DLC1: variants seen among roughly 807,000 people sequenced by gnomAD.
The protein encoded by DLC1 is rho GTPase-activating protein 7.
In DLC1, 54 loss-of-function variants were observed where a neutral mutation model predicts 140.3. The ratio of observed to expected loss-of-function variants is 0.38; its 90% confidence interval spans 0.31 to 0.48. The LOEUF is 0.48. Ranked by LOEUF, DLC1 falls within the 20% of genes least tolerant of loss-of-function variation. The probability of loss-of-function intolerance (pLI) is 0.96; values close to 1 mark genes in which losing one functional copy is unlikely to be tolerated. For synonymous variants in DLC1, 986 were observed against 728.1 expected, an observed-to-expected ratio of 1.35 and a Z score of -5.70; for missense variants, 2,536 against 1,907.0, an observed-to-expected ratio of 1.33 and a Z score of -6.14.
chr8:13,408,086 A>G (rs1308465537), intron 2 of DLC1, among the ~76,000 whole-genome samples: 2 of 152,236 alleles, frequency 1.3e-5, no homozygotes, highest in African/African-American at 4.8e-5. Context: ...GGCAAGTTAA[A>G]TAAGTCAGTC....
intron 2 of DLC1, among the ~76,000 whole-genome samples, chr8:13,425,225 C>A (rs1383865725): frequency 1.3e-5 from 2 of 152,144 alleles, no homozygotes; most frequent in African/African-American, 4.8e-5. Flanking sequence ...CTCTTGAGCA[C>A]AGGATGGGAA....
intron 5 of DLC1, among the ~76,000 whole-genome samples, chr8:13,118,004 CTTTTTTT>C (rs35775672): frequency 0.66 from 75,712 of 115,054 alleles, 24,905 homozygotes; most frequent in East Asian, 0.78. Flanking sequence ...TGTTCTCTTT[CTTTTTTT>C]TTTTTTTTTT....
intron 5 of DLC1, among the ~76,000 whole-genome samples, chr8:13,180,896 T>C (rs1263495094): frequency 6.6e-6 from 1 of 152,236 alleles, no homozygotes; most frequent in Non-Finnish European, 1.5e-5. Flanking sequence ...TGAGAATCAA[T>C]TTTTAATTTT....
Position 13,132,922 on chromosome 8 carries a change from G to A in DLC1, c.1349-17265C>T, listed in dbSNP as rs762775634. 5.9e-5 allele frequency: 94 copies of A among 1,592,544 alleles called. 3 individuals carry two copies. The South Asian group carries it at 1.0e-3, about 17-fold the overall frequency. ...GCCCGCTCCCGCGGCCAGCCCGACG[G>A]CAAGACGCAAGTCTAGCTTACGTGT... On this transcript the variant is annotated intron_variant, in intron 5 of 17. Transcript: ENST00000276297.
intron 4 of DLC1, among the ~76,000 whole-genome samples, chr8:13,363,926 C>T (rs1219422268): frequency 6.6e-6 from 1 of 152,158 alleles, no homozygotes; most frequent in Non-Finnish European, 1.5e-5. Flanking sequence ...GTACACACTC[C>T]CTTAACTCTT....
chr8:13,358,920 T>G (rs566205664), intron 4 of DLC1, among the ~76,000 whole-genome samples: 20 of 151,956 alleles, frequency 1.3e-4, no homozygotes, highest in Non-Finnish European at 2.5e-4. Context: ...CCTATTTTAT[T>G]CTGCAAAAGC....
intron 5 of DLC1, among the ~76,000 whole-genome samples, chr8:13,139,577 C>T (rs1015978644): frequency 5.3e-5 from 8 of 152,176 alleles, no homozygotes; most frequent in African/African-American, 1.7e-4. Flanking sequence ...GTACTGAATT[C>T]TTAGTCCTGA....
chr8:13,537,156 A>G (rs775630358), intron 1 of DLC1, among the ~76,000 whole-genome samples: 1 of 152,202 alleles, frequency 6.6e-6, no homozygotes, highest in African/African-American at 2.4e-5. Flanking sequence ...CTATTATATT[A>G]GCAGAAATTC....
intron 2 of DLC1, among the ~76,000 whole-genome samples, chr8:13,484,744 T>A (rs1585186155): frequency 6.6e-6 from 1 of 151,976 alleles, no homozygotes; most frequent in Non-Finnish European, 1.5e-5. Flanking sequence ...GTAGGCAAGG[T>A]AAATATGTCA....
intron 2 of DLC1, among the ~76,000 whole-genome samples, chr8:13,434,759 G>C (rs1164005619): frequency 6.6e-6 from 1 of 151,974 alleles, no homozygotes; most frequent in African/African-American, 2.4e-5. Flanking sequence ...GCTTACTGCA[G>C]CCTCAAACTC....
chr8:13,289,136 C>A (rs941891532), intron 5 of DLC1, among the ~76,000 whole-genome samples: 1 of 152,146 alleles, frequency 6.6e-6, no homozygotes, highest in Non-Finnish European at 1.5e-5. Context: ...GCTACCACTC[C>A]ACAGTGCTCT....
chr8:13,451,240 G>C (rs1244448754), intron 2 of DLC1, among the ~76,000 whole-genome samples: 1 of 151,752 alleles, frequency 6.6e-6, no homozygotes, highest in African/African-American at 2.4e-5. Flanking sequence ...GTTAATTTTT[G>C]TGTATACATA....
At chr8:13,096,672 A>T (rs1199844780) in intron 10 of DLC1, among the ~76,000 whole-genome samples, 6 of 152,118 alleles carry the variant, frequency 3.9e-5, no homozygotes, top group Non-Finnish European at 8.8e-5. Flanking sequence ...CAAGGCTCAC[A>T]TAATAACAGC....
At chr8:13,221,198 C>G (rs1828531021) in intron 5 of DLC1, among the ~76,000 whole-genome samples, 1 of 152,140 alleles carries the variant, frequency 6.6e-6, no homozygotes, top group African/African-American at 2.4e-5. Flanking sequence ...CCACCGCATT[C>G]TTTCCATGGG....
intron 5 of DLC1, among the ~76,000 whole-genome samples, chr8:13,130,200 G>A (rs1821962461): frequency 6.6e-6 from 1 of 152,204 alleles, no homozygotes; most frequent in Non-Finnish European, 1.5e-5. Context: ...GACACCAAGG[G>A]AAACCCAAGT....
chr8:13,222,251 A>G (rs1673819001), intron 5 of DLC1, among the ~76,000 whole-genome samples: 1 of 152,058 alleles, frequency 6.6e-6, no homozygotes, highest in South Asian at 2.1e-4. Flanking sequence ...ATAAGTGAGA[A>G]AAGAGATAGA....
rs1818867012 is a variant in DLC1, at chr8:13,099,827, T to G, written c.2510A>C (p.Asn837Thr). The G allele has an allele frequency of 6.2e-7, 1 of 1,614,070 alleles. No individual in the cohort carries two copies. The highest frequency in any genetic ancestry group is 8.5e-7 in the Non-Finnish European group (1 of 1,180,056). ...FSPSGNNGSV[N>T]WRTGSFHGPG... ...GCCGTGGAAGCTTCCCGTCCTCCAG[T>G]TCACAGAGCCGTTATTCCCCGAGGG... The change falls in exon 9 of 18, where the codon AAC (asparagine) becomes ACC (threonine). Residue 837 changes from asparagine to threonine, a missense_variant. By Grantham distance (65) the Asn-to-Thr change is moderately conservative. Coordinates refer to ENST00000276297, the MANE Select transcript of DLC1 (RefSeq NM_182643.3).
rs200111766 is a variant in DLC1 at position 13,099,890 on chromosome 8, C to G, written c.2447G>C (p.Gly816Ala). 4 of 1,614,154 alleles carry G rather than the reference C, an allele frequency of 2.5e-6. No individual in the cohort carries two copies. In the African/African-American group the frequency reaches 4.0e-5, roughly 16 times the overall value. ...VFYIPEDHKP[G>A]TFPKALTNGS... ...ATTGGTGAGAGCTTTGGGGAAAGTGCCAGGCTTGTGATCTTCAGGGATGTA... is the reference window on the plus strand; with the variant it reads ...ATTGGTGAGAGCTTTGGGGAAAGTGGCAGGCTTGTGATCTTCAGGGATGTA... Residue 816 changes from glycine to alanine, a missense_variant, in exon 9 of 18, where the codon GGC (glycine) becomes GCC (alanine). Transcript: ENST00000276297.
intron 5 of DLC1, among the ~76,000 whole-genome samples, chr8:13,235,533 C>T (rs1356131023): frequency 6.6e-6 from 1 of 152,012 alleles, no homozygotes; most frequent in African/African-American, 2.4e-5. Context: ...CTATTCTAGG[C>T]AGATTTGGGT....
Sources: allele counts gnomAD v4.1 joint callset (sites outside exome capture counted in the v4.1 genomes callset), GRCh38; gene constraint gnomAD v4.1.1; transcripts MANE v1.5; gene names NCBI Gene and HGNC (gene_info 2026-07-23, HGNC 2026-07-21).